Variants in POC5 observed in about 807,000 individuals in gnomAD.
POC5 encodes centrosomal protein POC5.
Under a neutral mutation model 62.9 loss-of-function variants are expected in POC5, and 48 were observed. That is an observed-to-expected ratio of 0.76 (90% CI 0.61 to 0.97). The LOEUF (loss-of-function observed/expected upper bound fraction) is 0.97, where lower values mean the gene tolerates loss of function less well. POC5 is among the 50% of genes least tolerant of loss of function. The pLI, the probability that POC5 is intolerant of heterozygous loss-of-function variation, is 0.00. For missense variants in POC5, 696 were observed against 679.5 expected (o/e 1.02, Z -0.27); for synonymous variants, 236 against 228.2 (o/e 1.03, Z -0.31).
chr5:75,691,900 G>A (rs1776352298), intron 7 of POC5, among the ~76,000 whole-genome samples: 1 of 152,006 alleles, frequency 6.6e-6, no homozygotes, highest in Non-Finnish European at 1.5e-5. Context: ...TACAAGCTAA[G>A]GATAACTTTT....
At chr5:75,695,753 G>A (rs972523174) in intron 5 of POC5, among the ~76,000 whole-genome samples, 15 of 152,310 alleles carry the variant, frequency 9.8e-5, no homozygotes, top group East Asian at 5.8e-4. Flanking sequence ...AGCTCCCAGC[G>A]TGAGCAATGC....
Position 75,685,220 on chromosome 5 carries a change from G to A in POC5, c.1394C>T (p.Ala465Val). 1.2e-6 allele frequency: 2 copies of A among 1,612,102 alleles called. No individual in the cohort carries two copies. The highest frequency in any genetic ancestry group is 1.7e-6 in the Non-Finnish European group (2 of 1,178,956). ...AACTGTACTAACCATTTCTTCTGAT[G>A]CAGCAGTAGCTGCAGATCCTGCACC... ...ALGAGSAATA[A>V]SEEMYVPRVV... Residue 465 changes from alanine to valine, a missense_variant, in exon 10 of 12, where the codon GCA (alanine) becomes GTA (valine). Physicochemically the swap from Ala to Val is moderately conservative, Grantham distance 64 (BLOSUM62 0). Transcript: ENST00000428202.
rs1207804710 is a variant in POC5, at chr5:75,677,853, A to G, written c.1505T>C (p.Ile502Thr). The change falls in exon 11 of 12, where the codon ATT becomes ACT. Residue 502 changes from isoleucine to threonine, a missense_variant. Ile to Thr is a moderately conservative substitution (Grantham distance 89). Transcript: ENST00000428202. ...TCCCATTATAGCTAAACTGCTGCTA[A>G]TTCTATTTTTTGAAGCAAAATCACA... is the stretch of plus-strand genomic sequence containing the variant. ...GRCDFASKNR[I>T]SSSLAIMGVS... is the part of the protein sequence containing the mutation. 6.2e-7 allele frequency: 1 copy of G among 1,612,502 alleles called. No individual in the cohort carries two copies. Among genetic ancestry groups the G allele is most frequent in the African/African-American group, 1.3e-5 (1 of 74,840 alleles).
chr5:75,690,650 T>A, intron 7 of POC5, 88 bp from the exon 8 acceptor site: 1 of 1,042,408 alleles, frequency 9.6e-7, no homozygotes, highest in Non-Finnish European at 1.4e-6. Context: ...GTGGTAAGTG[T>A]ACATATACAC....
chr5:75,682,914 G>C (rs1435510379), intron 10 of POC5, among the ~76,000 whole-genome samples: 2 of 152,172 alleles, frequency 1.3e-5, no homozygotes, highest in African/African-American at 4.8e-5. Flanking sequence ...GTAAATAACT[G>C]ATCTCAATGT....
intron 2 of POC5, among the ~76,000 whole-genome samples, chr5:75,709,931 T>A (rs750615904): frequency 6.6e-6 from 1 of 152,222 alleles, no homozygotes; most frequent in Non-Finnish European, 1.5e-5. Flanking sequence ...CAGCTACATT[T>A]CCCAGCCTCC....
At position 75,689,178 on chromosome 5, in the gene POC5, T is replaced by C. The variant is rs1397435573; in HGVS notation, c.976-13A>G. On this transcript the variant is annotated splice_polypyrimidine_tract_variant and intron_variant, in intron 8 of 11. Coordinates refer to ENST00000428202, the MANE Select transcript of POC5 (RefSeq NM_001099271.2). ...AAGCTCCAGATAACTAAAATAAGAA[T>C]GTTTAAAAAGCAAAACAATTTGAGA... 3 of 1,518,348 alleles carry C rather than the reference T, an allele frequency of 2.0e-6. No homozygotes were observed. Among genetic ancestry groups the C allele is most frequent in the South Asian group, 2.6e-5 (2 of 77,542 alleles). 94.1% of individuals were successfully genotyped at this position (1,518,348 alleles called of 1,614,324 possible). A position where few individuals can be genotyped will look rare whatever the true frequency, so the allele number is the denominator to read the frequency against.
intron 2 of POC5, chr5:75,712,107 G>A (rs77346060): frequency 0.044 from 7,545 of 170,614 alleles, 640 homozygotes; most frequent in African/African-American, 0.17. Flanking sequence ...CCATAATTTC[G>A]ATTAAAGGAA....
chr5:75,702,673 A>G lies in POC5; in HGVS notation c.445T>C (p.Phe149Leu). The G allele has an allele frequency of 6.2e-7, 1 of 1,612,570 alleles. No individual in the cohort carries two copies. The highest frequency in any genetic ancestry group is 1.1e-5 in the South Asian group (1 of 90,598). Residue 149 changes from phenylalanine to leucine, a missense_variant, in exon 5 of 12, where the codon TTT becomes CTT. Physicochemically the swap from Phe to Leu is conservative, Grantham distance 22. Coordinates refer to ENST00000428202, the MANE Select transcript of POC5 (RefSeq NM_001099271.2). ...TGAAGGTTTTCATCAGAAACAAGAAAATCGCTCACAAGTATTTCATGGGCA... is the reference window on the plus strand; with the variant it reads ...TGAAGGTTTTCATCAGAAACAAGAAGATCGCTCACAAGTATTTCATGGGCA... ...TDAHEILVSD[F>L]LVSDENLQKM...
At chr5:75,714,022 T>A (rs1002519310) in intron 1 of POC5, among the ~76,000 whole-genome samples, 2 of 152,208 alleles carry the variant, frequency 1.3e-5, no homozygotes, top group African/African-American at 4.8e-5. Flanking sequence ...GTTATTGAAA[T>A]ATTTTTTAAA....
rs1365429208 is a variant in POC5, at chr5:75,690,581, T to C, written c.796-19A>G. 6.6e-7 allele frequency: 1 copy of C among 1,520,672 alleles called. No individual in the cohort carries two copies. The highest frequency in any genetic ancestry group is 8.9e-7 in the Non-Finnish European group (1 of 1,127,774). 94.2% of individuals were successfully genotyped at this position (1,520,672 alleles called of 1,614,324 possible). On this transcript the variant is annotated intron_variant, in intron 7 of 11. Transcript: ENST00000428202. ...CATAAACCTAAATAAAAGTAAAATA[T>C]AACTTCAAAAACACAGTTGATTGAT...
chr5:75,691,065 G>A (rs943562783), intron 7 of POC5, among the ~76,000 whole-genome samples: 25 of 152,126 alleles, frequency 1.6e-4, no homozygotes, highest in African/African-American at 5.5e-4. Flanking sequence ...AAAAACTTAT[G>A]CTATTTTTCT....
Position 75,677,845 on chromosome 5 carries a change from T to C in POC5, c.1513A>G (p.Ser505Gly). 6.2e-7 allele frequency: 1 copy of C among 1,612,976 alleles called. No homozygotes were observed. The highest frequency in any genetic ancestry group is 1.7e-4 in the Middle Eastern group (1 of 6,058). The change falls in exon 11 of 12, where the codon AGT becomes GGT. Residue 505 changes from serine (S) to glycine (G), a missense_variant. Physicochemically the swap from Ser to Gly is moderately conservative, Grantham distance 56 (BLOSUM62 0). Transcript: ENST00000428202. Reference sequence around the variant, plus strand: ...GGAGAAACTCCCATTATAGCTAAACTGCTGCTAATTCTATTTTTTGAAGCA... The same window carrying C: ...GGAGAAACTCCCATTATAGCTAAACCGCTGCTAATTCTATTTTTTGAAGCA... ...DFASKNRISS[S>G]LAIMGVSPPM...
At chr5:75,704,025 C>T (rs982105217) in intron 4 of POC5, among the ~76,000 whole-genome samples, 1 of 151,722 alleles carries the variant, frequency 6.6e-6, no homozygotes, top group South Asian at 2.1e-4. Context: ...CATGGTGGCA[C>T]GTGCCTATAG....
chr5:75,689,210 G>T, intron 8 of POC5, 45 bp from the exon 9 acceptor site: 1 of 1,472,010 alleles, frequency 6.8e-7, no homozygotes, highest in Non-Finnish European at 9.0e-7. Flanking sequence ...GAGATACAAA[G>T]AAGAATACTG....
chr5:75,690,923 CAG>C (rs1432647023), intron 7 of POC5, among the ~76,000 whole-genome samples: 1 of 152,200 alleles, frequency 6.6e-6, no homozygotes, highest in East Asian at 1.9e-4. Context: ...AGGAGAATAA[CAG>C]AGTGGCTAGA....
At chr5:75,716,849 T>C (rs1202263055) in intron 1 of POC5, among the ~76,000 whole-genome samples, 1 of 151,576 alleles carries the variant, frequency 6.6e-6, no homozygotes, top group African/African-American at 2.4e-5. Flanking sequence ...AGCAGCAGGG[T>C]GATGTCGCCT....
At position 75,694,654 on chromosome 5, in the gene POC5, C is replaced by T; in HGVS notation, c.690+1G>A. On this transcript the variant is annotated splice_donor_variant, in intron 6 of 11. Transcript: ENST00000428202. LOFTEE classifies it high-confidence loss of function. Reference sequence around the variant, plus strand: ...TTAAAAAGAAATATAAAAAAGAAGACCTCATCTTTTCTCCCAATGGAGATT... The same window carrying T: ...TTAAAAAGAAATATAAAAAAGAAGATCTCATCTTTTCTCCCAATGGAGATT... 1 of 1,503,454 alleles carries T rather than the reference C, an allele frequency of 6.7e-7. No individual in the cohort carries two copies. Among genetic ancestry groups the T allele is most frequent in the Non-Finnish European group, 8.9e-7 (1 of 1,124,220 alleles). The allele number at this position is 1,503,454 out of a possible 1,614,324, so 93.1% of individuals were successfully genotyped here.
chr5:75,687,931 C>G (rs920942819), intron 9 of POC5, among the ~76,000 whole-genome samples: 2 of 152,040 alleles, frequency 1.3e-5, no homozygotes, highest in African/African-American at 4.8e-5. Flanking sequence ...AATAAAAGAC[C>G]ATTTATTGGA....
Sources: gnomAD v4.1 joint callset for allele counts (sites outside exome capture counted in the v4.1 genomes callset) on GRCh38, gnomAD v4.1.1 for gene constraint, MANE v1.5 for transcripts, NCBI Gene and HGNC (gene_info 2026-07-23, HGNC 2026-07-21) for gene names.